Variants in DNM1L observed in about 807,000 individuals in gnomAD.
DNM1L encodes the protein dynamin-1-like protein.
Under a neutral mutation model 92.8 loss-of-function variants are expected in DNM1L, and 33 were observed. The ratio of observed to expected loss-of-function variants is 0.36; its 90% confidence interval spans 0.27 to 0.48. The LOEUF (loss-of-function observed/expected upper bound fraction) is 0.48. DNM1L is among the 20% of genes least tolerant of loss of function. DNM1L has a pLI of 0.99. For synonymous variants in DNM1L, 284 were observed against 305.0 expected, an observed-to-expected ratio of 0.93 and a Z score of 0.72; for missense variants, 485 against 888.8, an observed-to-expected ratio of 0.55 and a Z score of 5.78.
intron 2 of DNM1L, chr12:32,705,904 AT>A (rs1435192976): frequency 6.4e-7 from 1 of 1,563,804 alleles, no homozygotes; most frequent in African/African-American, 1.4e-5. Flanking sequence ...TTTTTCTCTT[AT>A]GCCTGCATGT....
intron 9 of DNM1L, among the ~76,000 whole-genome samples, chr12:32,730,621 T>TACTA (rs57840269): frequency 0.16 from 23,737 of 152,124 alleles, 1,932 homozygotes; most frequent in Middle Eastern, 0.22. Context: ...AAGCCTAAAA[T>TACTA]ACTATGTGAC....
intron 6 of DNM1L, among the ~76,000 whole-genome samples, chr12:32,716,840 G>T (rs1953404017): frequency 6.8e-6 from 1 of 146,670 alleles, no homozygotes; most frequent in Admixed American, 6.9e-5. Flanking sequence ...TGAAAATTAT[G>T]AATAAAGCTG....
intron 2 of DNM1L, among the ~76,000 whole-genome samples, chr12:32,701,974 C>T (rs1213407661): frequency 2.7e-5 from 4 of 150,592 alleles, no homozygotes; most frequent in South Asian, 2.1e-4. Flanking sequence ...GCCATCCGCC[C>T]GCCTTGGCCT....
rs116413486 is a variant in DNM1L at position 32,681,518 on chromosome 12, C to T, written c.102+2053C>T. Among the ~76,000 whole-genome samples the T allele has an allele frequency of 3.8e-3, 562 of 147,856 alleles. 4 individuals are homozygous for T. The highest frequency in any genetic ancestry group is 0.014 in the African/African-American group (536 of 38,634). On this transcript the variant is annotated intron_variant, in intron 1 of 19. Coordinates refer to ENST00000549701, the MANE Select transcript of DNM1L (RefSeq NM_012062.5). ...GTGCGTGCAGGAGTGCATGTCACTG[C>T]ACCCCAGCAGAAAGAGAGAGAATAG...
chr12:32,733,621 G>T lies in DNM1L; in HGVS notation c.1447-94G>T, dbSNP rs923070641. On this transcript the variant is annotated intron_variant, in intron 12 of 19. Coordinates refer to ENST00000549701, the MANE Select transcript of DNM1L (RefSeq NM_012062.5). ...GGCATAAGTTTCCTGTACTTTTTCG[G>T]TATTGTCTGTTTCATAAGTTTTATA... 23 of 988,988 alleles carry T rather than the reference G, an allele frequency of 2.3e-5. No individual in the cohort carries two copies. In the African/African-American group the frequency reaches 2.7e-4, roughly 12 times the overall value. 61.3% of individuals were successfully genotyped at this position (988,988 alleles called of 1,614,324 possible). A position where few individuals can be genotyped will look rare whatever the true frequency, so the allele number is the denominator to read the frequency against.
chr12:32,691,305 C>T (rs1160121999), intron 1 of DNM1L, among the ~76,000 whole-genome samples: 2 of 152,172 alleles, frequency 1.3e-5, no homozygotes, highest in African/African-American at 4.8e-5. Flanking sequence ...GAGGCGCGAT[C>T]TCGGCTCACT....
At chr12:32,683,299 A>G (rs375793254) in intron 1 of DNM1L, among the ~76,000 whole-genome samples, 15 of 151,082 alleles carry the variant, frequency 9.9e-5, no homozygotes, top group Admixed American at 5.9e-4. Flanking sequence ...TCCATAGCTC[A>G]CTGTAACCTC....
At chr12:32,723,725 A>G (rs781127424) in intron 9 of DNM1L, among the ~76,000 whole-genome samples, 7 of 151,380 alleles carry the variant, frequency 4.6e-5, no homozygotes, top group South Asian at 2.1e-4. Flanking sequence ...CAGGGATTCT[A>G]TCTTTAAAGT....
In DNM1L at chr12:32,731,422, C is replaced by T. The variant is rs765555527; in HGVS notation, c.1267C>T (p.Arg423Cys). ...GTTACTGGTGAAGCGGCAAATCAAA[C>T]GTCTAGAAGAGCCCAGCCTCCGCTG... is the stretch of plus-strand genomic sequence containing the variant. The part of the protein sequence containing the change: ...FELLVKRQIK[R>C]LEEPSLRCVE... The change falls in exon 11 of 20, where the codon CGT (arginine) becomes TGT (cysteine). Residue 423 changes from arginine to cysteine, a missense_variant. Arg to Cys is a radical substitution (Grantham distance 180, BLOSUM62 -3). Around this residue, in one of 11 missense-constraint regions of DNM1L, gnomAD observed 12 missense variants for 21.5 expected, o/e 0.56. Transcript: ENST00000549701. This position sits in a 1 kb window ranked among gnomAD's most constrained non-coding sequence, Gnocchi z 5.1. The T allele has an allele frequency of 3.7e-6, 6 of 1,614,012 alleles. No homozygotes were observed. Among genetic ancestry groups the T allele is most frequent in the East Asian group, 2.2e-5 (1 of 44,898 alleles).
At chr12:32,695,832 A>G (rs1327211793) in intron 1 of DNM1L, among the ~76,000 whole-genome samples, 1 of 152,208 alleles carries the variant, frequency 6.6e-6, no homozygotes, top group African/African-American at 2.4e-5. Context: ...AATGAAGACA[A>G]ATTAGAAGGA....
chr12:32,722,656 G>T lies in DNM1L; in HGVS notation c.1079+23G>T, dbSNP rs1237651145. 1.0e-5 allele frequency: 16 copies of T among 1,588,198 alleles called. No individual in the cohort carries two copies. In the Admixed American group the frequency reaches 2.7e-4, roughly 27 times the overall value. Reference sequence around the variant, plus strand: ...GCTGTAAGTAAGAAATTTTTCTGTAGATTTGGTTACCTAGATTGCTAGGTC... The same window carrying T: ...GCTGTAAGTAAGAAATTTTTCTGTATATTTGGTTACCTAGATTGCTAGGTC... On this transcript the variant is annotated intron_variant, in intron 9 of 19. Transcript: ENST00000549701.
intron 15 of DNM1L, 86 bp downstream of exon 15, chr12:32,738,028 A>G (rs1592682104): frequency 7.1e-7 from 1 of 1,412,070 alleles, no homozygotes; most frequent in Admixed American, 1.7e-5. Context: ...GAATAGAAGA[A>G]TATTAATATG....
chr12:32,682,943 ATGGTGTAACTT>A (rs1218355594), intron 1 of DNM1L, among the ~76,000 whole-genome samples: 1 of 152,216 alleles, frequency 6.6e-6, no homozygotes, highest in Non-Finnish European at 1.5e-5. Flanking sequence ...CTTTTAGACC[ATGGTGTAACTT>A]TGCAAGTAGA....
At chr12:32,741,346 C>T (rs1210429515) in intron 18 of DNM1L, among the ~76,000 whole-genome samples, 8 of 152,146 alleles carry the variant, frequency 5.3e-5, no homozygotes, top group Admixed American at 6.5e-5. Flanking sequence ...GGTGCAGTGG[C>T]GCAGTCTTGG....
Position 32,744,731 on chromosome 12 carries a change from C to T in DNM1L, c.*1321C>T, listed in dbSNP as rs1482095708. On this transcript the variant is annotated 3_prime_UTR_variant, in exon 20 of 20. Transcript: ENST00000549701. ...TCCGTCTCAAAAAAAAAAAATAAAA[C>T]AACACCCAGATAGATACACATACTC... is the stretch of plus-strand genomic sequence containing the variant. The T allele has an allele frequency of 2.8e-6, 1 of 355,106 alleles. No individual in the cohort carries two copies. Among genetic ancestry groups the T allele is most frequent in the Non-Finnish European group, 5.4e-6 (1 of 185,552 alleles). 22.0% of individuals were successfully genotyped at this position (355,106 alleles called of 1,614,324 possible). A position where few individuals can be genotyped will look rare whatever the true frequency, so the allele number is the denominator to read the frequency against.
intron 2 of DNM1L, among the ~76,000 whole-genome samples, chr12:32,705,132 AGC>A (rs1241502509): frequency 6.6e-6 from 1 of 151,280 alleles, no homozygotes; most frequent in African/African-American, 2.4e-5. Context: ...CCTCCTGAGT[AGC>A]TGGGATTACA....
intron 9 of DNM1L, among the ~76,000 whole-genome samples, chr12:32,724,718 C>A: frequency 6.9e-6 from 1 of 144,854 alleles, no homozygotes; most frequent in African/African-American, 2.5e-5. Flanking sequence ...AGATCACTAA[C>A]TGATAGTTTA....
rs370741195 is a variant in DNM1L at position 32,742,555 on chromosome 12, G to C, written c.1995-34G>C. The C allele has an allele frequency of 3.7e-6, 6 of 1,613,254 alleles. No homozygotes were observed. In the African/African-American group the frequency reaches 6.7e-5, roughly 18 times the overall value. ...CCCAAATTGTTAAAAGTAGAATTTT[G>C]GCTAAAATTCCATAATTTGGTTGTG... On this transcript the variant is annotated intron_variant, in intron 18 of 19. Transcript: ENST00000549701.
At chr12:32,688,868 A>G (rs2137237221) in intron 1 of DNM1L, among the ~76,000 whole-genome samples, 1 of 152,330 alleles carries the variant, frequency 6.6e-6, no homozygotes, top group East Asian at 1.9e-4. Flanking sequence ...GCAGTATTTT[A>G]GAAAGTTTGG....
Sources: allele counts gnomAD v4.1 joint callset (sites outside exome capture counted in the v4.1 genomes callset), GRCh38; gene constraint gnomAD v4.1.1; regional missense constraint gnomAD v4.1.1; non-coding constraint Gnocchi (gnomAD v3.1); transcripts MANE v1.5; gene names NCBI Gene and HGNC (gene_info 2026-07-23, HGNC 2026-07-21).